ROR2: variants seen among roughly 807,000 people sequenced by gnomAD.
ROR2 encodes tyrosine-protein kinase transmembrane receptor ROR2.
A neutral mutation model predicts 74.9 loss-of-function variants in ROR2; 33 were observed. The ratio of observed to expected loss-of-function variants is 0.44; its 90% CI spans 0.33 to 0.59. The LOEUF is 0.59. Ranked by LOEUF, ROR2 falls within the 20% of genes least tolerant of loss-of-function variation. The probability of loss-of-function intolerance (pLI) is 0.02; values close to 1 mark genes in which losing one functional copy is unlikely to be tolerated. For synonymous variants in ROR2, 586 were observed against 558.7 expected (o/e 1.05, Z -0.69); for missense variants, 1,216 against 1,313.8 (o/e 0.93, Z 1.15).
At chr9:91,726,875 G>A in intron 7 of ROR2, 132 bp from the exon 8 acceptor site, 3 of 816,572 alleles carry the variant, frequency 3.7e-6, no homozygotes, top group Admixed American at 2.0e-5. Context: ...TTACACAATG[G>A]GGTAAAAGGG....
chr9:91,933,487 A>T (rs1831605207), intron 1 of ROR2, among the ~76,000 whole-genome samples: 1 of 152,230 alleles, frequency 6.6e-6, no homozygotes. Flanking sequence ...TCCAAATGAG[A>T]GCTATCAGCA....
At chr9:91,915,640 G>T (rs1460252217) in intron 1 of ROR2, among the ~76,000 whole-genome samples, 2 of 151,698 alleles carry the variant, frequency 1.3e-5, no homozygotes, top group Non-Finnish European at 2.9e-5. Flanking sequence ...CTGCTGTCTT[G>T]GGGGAGGTGG....
Position 91,733,508 on chromosome 9 carries a change from C to T in ROR2, c.623-72G>A, listed in dbSNP as rs1824903448. On this transcript the variant is annotated intron_variant, in intron 5 of 8. Coordinates refer to ENST00000375708, the MANE Select transcript of ROR2 (RefSeq NM_004560.4). The surrounding 1 kb of genome is among the most constrained non-coding windows in gnomAD (Gnocchi z 5.7). ...CCTTGACATTCATCCAGTCCCCACC[C>T]CCAGCCTGGCATCCCAGACTGCCCA... The T allele has an allele frequency of 1.5e-5, 22 of 1,485,884 alleles. 1 individual carries two copies. The South Asian group carries it at 2.8e-4, about 19-fold the overall frequency. 92.0% of individuals were successfully genotyped at this position (1,485,884 alleles called of 1,614,324 possible). A position where few individuals can be genotyped will look rare whatever the true frequency, so the allele number is the denominator to read the frequency against.
chr9:91,774,227 C>T (rs1019886299), intron 2 of ROR2, among the ~76,000 whole-genome samples: 1 of 152,214 alleles, frequency 6.6e-6, no homozygotes, highest in Non-Finnish European at 1.5e-5. Flanking sequence ...GGATGGAATC[C>T]TCTTAAGCCT....
chr9:91,907,775 G>C (rs993528861), intron 1 of ROR2, among the ~76,000 whole-genome samples: 1 of 152,166 alleles, frequency 6.6e-6, no homozygotes, highest in African/African-American at 2.4e-5. Context: ...TCTCTTCCCA[G>C]TGGACCCAAG....
At chr9:91,876,525 G>A (rs75705415) in intron 1 of ROR2, among the ~76,000 whole-genome samples, 2,781 of 152,214 alleles carry the variant, frequency 0.018, 91 homozygotes, top group African/African-American at 0.063. Flanking sequence ...GCTATTGCTT[G>A]AACCAAGAAT....
At chr9:91,814,767 G>A (rs1412808407) in intron 1 of ROR2, among the ~76,000 whole-genome samples, 1 of 152,230 alleles carries the variant, frequency 6.6e-6, no homozygotes, top group Non-Finnish European at 1.5e-5. Flanking sequence ...TGTGAAGAAG[G>A]AAAACTCCCA....
chr9:91,770,991 A>T (rs1204383703), intron 2 of ROR2, among the ~76,000 whole-genome samples: 1 of 152,172 alleles, frequency 6.6e-6, no homozygotes, highest in East Asian at 1.9e-4. Flanking sequence ...AGCTCTGCTG[A>T]CTGCTTTGTT....
intron 1 of ROR2, among the ~76,000 whole-genome samples, chr9:91,813,093 G>C (rs1563977212): frequency 6.6e-6 from 1 of 151,898 alleles, no homozygotes; most frequent in Non-Finnish European, 1.5e-5. Context: ...CATCAACACT[G>C]GCCACCTAGG....
intron 1 of ROR2, among the ~76,000 whole-genome samples, chr9:91,807,187 AT>A (rs1827596691): frequency 6.6e-6 from 1 of 152,172 alleles, no homozygotes; most frequent in Non-Finnish European, 1.5e-5. Context: ...ATCCAATCAC[AT>A]TTTGACATGG....
chr9:91,775,711 C>T, intron 2 of ROR2, 30 bp downstream of exon 2: 2 of 1,604,574 alleles, frequency 1.2e-6, no homozygotes, highest in South Asian at 2.2e-5. Flanking sequence ...ATTTGGAGGA[C>T]ATGGAGAGCA....
intron 1 of ROR2, among the ~76,000 whole-genome samples, chr9:91,861,873 G>A (rs913373799): frequency 2.6e-5 from 4 of 152,152 alleles, no homozygotes; most frequent in Non-Finnish European, 4.4e-5. Flanking sequence ...ATTATATAAA[G>A]AACGCTGTTA....
At chr9:91,862,655 C>T (rs927529684) in intron 1 of ROR2, among the ~76,000 whole-genome samples, 6 of 151,538 alleles carry the variant, frequency 4.0e-5, no homozygotes, top group Admixed American at 6.6e-5. Flanking sequence ...GAGTGAGTCC[C>T]TGTCTCAAAA....
chr9:91,747,693 T>C (rs1472407711), intron 4 of ROR2, among the ~76,000 whole-genome samples: 2 of 66,240 alleles, frequency 3.0e-5, no homozygotes, highest in Non-Finnish European at 3.0e-5. Flanking sequence ...AGCTCACTGA[T>C]TCTCTCCTAT....
intron 4 of ROR2, among the ~76,000 whole-genome samples, chr9:91,744,055 T>C (rs555623517): frequency 2.0e-5 from 3 of 152,112 alleles, no homozygotes; most frequent in Non-Finnish European, 1.5e-5. Context: ...TTTCAGACAT[T>C]ACATTTAATG....
At chr9:91,735,805 A>T (rs1825004827) in intron 5 of ROR2, among the ~76,000 whole-genome samples, 2 of 151,604 alleles carry the variant, frequency 1.3e-5, no homozygotes, top group Non-Finnish European at 2.9e-5. Flanking sequence ...TTTAGTAGAG[A>T]TGGGGTTTCA....
At chr9:91,727,788 T>C (rs900373317) in intron 7 of ROR2, among the ~76,000 whole-genome samples, 3 of 152,224 alleles carry the variant, frequency 2.0e-5, no homozygotes, top group Non-Finnish European at 4.4e-5. Context: ...AAGTGATTTC[T>C]GGTCAGTGTG....
At chr9:91,833,950 C>A (rs941291530) in intron 1 of ROR2, among the ~76,000 whole-genome samples, 1 of 152,186 alleles carries the variant, frequency 6.6e-6, no homozygotes. Context: ...TCTCCCCCAG[C>A]CTCAAGCACC....
intron 1 of ROR2, among the ~76,000 whole-genome samples, chr9:91,789,608 A>C (rs1297893091): frequency 3.9e-5 from 6 of 152,234 alleles, no homozygotes; most frequent in Non-Finnish European, 8.8e-5. Flanking sequence ...TATGCTACCA[A>C]AATTAAGTTA....
Sources: allele counts gnomAD v4.1 joint callset (sites outside exome capture counted in the v4.1 genomes callset), GRCh38; gene constraint gnomAD v4.1.1; non-coding constraint Gnocchi (gnomAD v3.1); transcripts MANE v1.5; gene names NCBI Gene and HGNC (gene_info 2026-07-23, HGNC 2026-07-21).